Variants in ZNF804A observed in about 807,000 individuals in gnomAD.
ZNF804A encodes zinc finger protein 804A.
ZNF804A carries 2 observed loss-of-function variants against 16.5 expected under a neutral mutation model. The ratio of observed to expected loss-of-function variants is 0.12; its 90% CI spans 0.05 to 0.38. The LOEUF is 0.38. ZNF804A is among the 10% of genes least tolerant of loss of function. The pLI is 0.99. For synonymous variants in ZNF804A, 534 were observed against 489.6 expected, an observed-to-expected ratio of 1.09 and a Z score of -1.20; for missense variants, 1,473 against 1,390.7, an observed-to-expected ratio of 1.06 and a Z score of -0.94.
chr2:184,746,133 C>G (rs750113426), intron 1 of ZNF804A, among the ~76,000 whole-genome samples: 1 of 151,580 alleles, frequency 6.6e-6, no homozygotes, highest in South Asian at 2.1e-4. Context: ...TTGATAAAAT[C>G]TGGATATGTG....
At chr2:184,715,554 A>AT (rs1229316914) in intron 1 of ZNF804A, among the ~76,000 whole-genome samples, 1 of 151,774 alleles carries the variant, frequency 6.6e-6, no homozygotes, top group Non-Finnish European at 1.5e-5. Context: ...TGCTCAGCTG[A>AT]TTTTTTAATT....
intron 1 of ZNF804A, among the ~76,000 whole-genome samples, chr2:184,604,146 C>CTTTT (rs759053144): frequency 0.014 from 612 of 44,870 alleles, 207 homozygotes; most frequent in Non-Finnish European, 0.018. Context: ...ACTGCAATTA[C>CTTTT]TTTTTTTTTT....
At chr2:184,859,401 T>C (rs1277497966) in intron 1 of ZNF804A, among the ~76,000 whole-genome samples, 1 of 152,134 alleles carries the variant, frequency 6.6e-6, no homozygotes, top group Non-Finnish European at 1.5e-5. Flanking sequence ...TAATGCATTG[T>C]TAATTTCATT....
intron 2 of ZNF804A, among the ~76,000 whole-genome samples, chr2:184,923,326 T>G (rs1685560330): frequency 6.6e-6 from 1 of 152,028 alleles, no homozygotes; most frequent in South Asian, 2.1e-4. Context: ...TGAAATTACT[T>G]TCTTAATTTC....
rs575375459 is a variant in ZNF804A at position 184,599,906 on chromosome 2, C to A, written c.111+836C>A. Among the ~76,000 whole-genome samples the A allele has an allele frequency of 5.5e-4, 84 of 152,248 alleles. 1 individual carries two copies. Among genetic ancestry groups the A allele is most frequent in the Non-Finnish European group, 4.6e-4 (31 of 68,026 alleles). ...TTAGCTATAAAACCTCCCTGCAGAA[C>A]TGACTTTCATGTATTGGTATGTTTG... On this transcript the variant is annotated intron_variant, in intron 1 of 3. Transcript: ENST00000302277.
At chr2:184,863,972 G>A (rs1477338241) in intron 1 of ZNF804A, among the ~76,000 whole-genome samples, 1 of 152,004 alleles carries the variant, frequency 6.6e-6, no homozygotes. Context: ...GCTGAGAAAT[G>A]GTGCATTACT....
chr2:184,783,150 T>TTG (rs1694398409), intron 1 of ZNF804A, among the ~76,000 whole-genome samples: 1 of 143,524 alleles, frequency 7.0e-6, no homozygotes, highest in South Asian at 2.2e-4. Context: ...TTTTTTTTTT[T>TTG]TTTTTTTTTT....
intron 1 of ZNF804A, among the ~76,000 whole-genome samples, chr2:184,781,504 T>A (rs1694370838): frequency 6.6e-6 from 1 of 151,806 alleles, no homozygotes; most frequent in Non-Finnish European, 1.5e-5. Flanking sequence ...AATAACACAA[T>A]GGTTTAAGTA....
At chr2:184,759,086 G>A (rs908023314) in intron 1 of ZNF804A, among the ~76,000 whole-genome samples, 1 of 150,980 alleles carries the variant, frequency 6.6e-6, no homozygotes, top group Non-Finnish European at 1.5e-5. Context: ...TAAATTGCTT[G>A]CCTTATGTAT....
At chr2:184,788,819 TA>T (rs1471882814) in intron 1 of ZNF804A, among the ~76,000 whole-genome samples, 1 of 152,020 alleles carries the variant, frequency 6.6e-6, no homozygotes, top group East Asian at 1.9e-4. Flanking sequence ...TGGATGCATT[TA>T]ATGTTTTCTT....
At chr2:184,848,845 A>G (rs1026549005) in intron 1 of ZNF804A, among the ~76,000 whole-genome samples, 3 of 152,080 alleles carry the variant, frequency 2.0e-5, no homozygotes, top group African/African-American at 7.2e-5. Flanking sequence ...TAAATTCTAG[A>G]AAACATAGCT....
chr2:184,828,611 T>G (rs1027141364), intron 1 of ZNF804A, among the ~76,000 whole-genome samples: 6 of 151,850 alleles, frequency 4.0e-5, no homozygotes, highest in Admixed American at 1.3e-4. Context: ...TTGGTAAACT[T>G]TATAATTTTA....
In ZNF804A at chr2:184,936,656, A is replaced by T; in HGVS notation, c.1260A>T (p.Arg420Ser). ...ATAAGAAAACAAATTTCTGCAAAAG[A>T]CAATGTGAGCCATTTGTACCTGTCC... ...TIHKKTNFCK[R>S]QCEPFVPVLN... is the part of the protein sequence containing the mutation. Residue 420 changes from arginine to serine, a missense_variant, in exon 4 of 4, where the codon AGA becomes AGT. Coordinates refer to ENST00000302277, the MANE Select transcript of ZNF804A (RefSeq NM_194250.2). The T allele has an allele frequency of 6.2e-7, 1 of 1,614,068 alleles. No homozygotes were observed. Among genetic ancestry groups the T allele is most frequent in the South Asian group, 1.1e-5 (1 of 91,080 alleles).
Position 184,935,981 on chromosome 2 carries a change from A to T in ZNF804A, c.585A>T (p.Ala195=). The T allele has an allele frequency of 6.2e-7, 1 of 1,614,048 alleles. No individual in the cohort carries two copies. Among genetic ancestry groups the T allele is most frequent in the East Asian group, 2.2e-5 (1 of 44,854 alleles). The stretch of plus-strand genomic sequence containing the variant: ...CAGAAAGTGCAAATAATTATACAGC[A>T]AAAAATAACCAAGTTGGGGATCAAG... ...EDPESANNYT[A]KNNQVGDQAQ... Residue 195 remains alanine, a synonymous_variant, in exon 4 of 4, where the codon GCA becomes GCT. Transcript: ENST00000302277.
At position 184,875,759 on chromosome 2, in the gene ZNF804A, T is replaced by C. The variant is rs1347471319; in HGVS notation, c.255+9247T>C. ...GGTATGTCACTCTGAATTTTAGTCATTGACATTAAAAAAAAAAAAAAAAAA... is the reference window on the plus strand; with the variant it reads ...GGTATGTCACTCTGAATTTTAGTCACTGACATTAAAAAAAAAAAAAAAAAA... On this transcript the variant is annotated intron_variant, in intron 2 of 3. Coordinates refer to ENST00000302277, the MANE Select transcript of ZNF804A (RefSeq NM_194250.2). 2.1e-5 allele frequency among the ~76,000 whole-genome samples: 3 copies of C among 143,918 alleles called. No individual in the cohort carries two copies. The South Asian group carries it at 6.5e-4, about 31-fold the overall frequency. The allele number at this position is 143,918 out of a possible 152,430, so 94.4% of individuals were successfully genotyped here.
At chr2:184,741,128 C>A (rs1693703327) in intron 1 of ZNF804A, among the ~76,000 whole-genome samples, 1 of 152,122 alleles carries the variant, frequency 6.6e-6, no homozygotes, top group Admixed American at 6.6e-5. Flanking sequence ...TTTAGATGTT[C>A]CCAAGATTAT....
intron 1 of ZNF804A, among the ~76,000 whole-genome samples, chr2:184,855,724 T>C (rs1695676752): frequency 6.6e-6 from 1 of 151,944 alleles, no homozygotes; most frequent in Non-Finnish European, 1.5e-5. Flanking sequence ...GAGTGTATCA[T>C]GATGGACGCC....
At chr2:184,774,533 T>C (rs1251791237) in intron 1 of ZNF804A, among the ~76,000 whole-genome samples, 1 of 151,698 alleles carries the variant, frequency 6.6e-6, no homozygotes, top group East Asian at 1.9e-4. Context: ...TGGTCAGAAA[T>C]TGTGAAAGGG....
At chr2:184,754,706 T>C (rs985929103) in intron 1 of ZNF804A, among the ~76,000 whole-genome samples, 7 of 151,980 alleles carry the variant, frequency 4.6e-5, no homozygotes, top group Admixed American at 1.3e-4. Context: ...TCTGTATTTA[T>C]TTATATTTTT....
Sources: gnomAD v4.1 joint callset for allele counts (sites outside exome capture counted in the v4.1 genomes callset) on GRCh38, gnomAD v4.1.1 for gene constraint, MANE v1.5 for transcripts, NCBI Gene and HGNC (gene_info 2026-07-23, HGNC 2026-07-21) for gene names.